ANXA8: variants seen among roughly 807,000 people sequenced by gnomAD.
ANXA8 encodes the protein annexin A8.
In ANXA8, 9 loss-of-function variants were observed where a neutral mutation model predicts 26.8. The observed-to-expected ratio is 0.34, with a 90% confidence interval of 0.20 to 0.59. The LOEUF (loss-of-function observed/expected upper bound fraction) is 0.59, where lower values mean the gene tolerates loss of function less well. Among genes scored for constraint, ANXA8 ranks in the 20% least tolerant of loss-of-function variants. The pLI is 0.84. For missense variants in ANXA8, 83 were observed against 238.5 expected, an observed-to-expected ratio of 0.35 and a Z score of 4.29; for synonymous variants, 39 against 94.8, an observed-to-expected ratio of 0.41 and a Z score of 3.42.
At chr10:47,669,182 T>G in the ANXA8 span, among the ~76,000 whole-genome samples, 2 of 151,826 alleles carry the variant, frequency 1.3e-5, no homozygotes, top group African/African-American at 2.4e-5. Flanking sequence ...CCATGTGGTA[T>G]TTAGGAAGGT....
the ANXA8 span, chr10:47,973,191 CTT>C: frequency 6.6e-6 from 1 of 150,626 alleles, no homozygotes; most frequent in African/African-American, 2.4e-5. Flanking sequence ...TTGCTGGTCT[CTT>C]TTTTCTTATG....
At chr10:47,942,196 T>C in the ANXA8 span, among the ~76,000 whole-genome samples, 14 of 146,436 alleles carry the variant, frequency 9.6e-5, no homozygotes, top group Non-Finnish European at 1.5e-4. Flanking sequence ...AAATTCCTTA[T>C]GAATAGGTGA....
chr10:47,621,869 G>A, the ANXA8 span, among the ~76,000 whole-genome samples: 1 of 95,076 alleles, frequency 1.1e-5, no homozygotes, highest in Non-Finnish European at 2.2e-5. Flanking sequence ...TATATACAAA[G>A]TCTTCACATG....
At chr10:47,653,525 G>C in the ANXA8 span, among the ~76,000 whole-genome samples, 1 of 151,692 alleles carries the variant, frequency 6.6e-6, no homozygotes, top group African/African-American at 2.4e-5. Flanking sequence ...AAGAGACTTA[G>C]TGGGAAAATT....
At chr10:47,732,811 C>T in the ANXA8 span, among the ~76,000 whole-genome samples, 14 of 142,356 alleles carry the variant, frequency 9.8e-5, no homozygotes, top group Admixed American at 4.3e-4. Flanking sequence ...TGCAGACGTT[C>T]GCTGAATGTC....
the ANXA8 span, among the ~76,000 whole-genome samples, chr10:47,959,030 G>A: frequency 6.7e-6 from 1 of 149,922 alleles, no homozygotes; most frequent in African/African-American, 2.5e-5. Flanking sequence ...GGTGAGGGCT[G>A]GGGGAGGGCC....
the ANXA8 span, among the ~76,000 whole-genome samples, chr10:47,969,649 C>T: frequency 2.7e-5 from 4 of 146,852 alleles, no homozygotes; most frequent in Admixed American, 1.4e-4. Context: ...CCGAAGGGCC[C>T]CTGTGGTTAC....
chr10:47,935,651 A>G, the ANXA8 span, among the ~76,000 whole-genome samples: 1 of 141,600 alleles, frequency 7.1e-6, no homozygotes, highest in Non-Finnish European at 1.5e-5. Context: ...TTTAATTTTA[A>G]TTGTACTATT....
At chr10:47,755,175 T>C in the ANXA8 span, among the ~76,000 whole-genome samples, 5 of 151,654 alleles carry the variant, frequency 3.3e-5, no homozygotes, top group African/African-American at 9.7e-5. Context: ...CAGGATGGTC[T>C]TGATCTCTTG....
chr10:47,570,701 AGGT>A, the ANXA8 span, among the ~76,000 whole-genome samples: 1 of 150,740 alleles, frequency 6.6e-6, no homozygotes, highest in Non-Finnish European at 1.5e-5. Context: ...TAAGCCTGGG[AGGT>A]TGAGGCTACC....
chr10:47,655,864 T>C, the ANXA8 span, among the ~76,000 whole-genome samples: 1 of 151,672 alleles, frequency 6.6e-6, no homozygotes, highest in South Asian at 2.1e-4. Context: ...CTATTAAAAA[T>C]ACAAAATTAG....
the ANXA8 span, among the ~76,000 whole-genome samples, chr10:47,599,448 T>C: frequency 6.7e-6 from 1 of 148,798 alleles, no homozygotes; most frequent in Non-Finnish European, 1.5e-5. Context: ...TTTTGCTTTT[T>C]TTACTAGCAT....
At chr10:47,709,611 C>T in the ANXA8 span, among the ~76,000 whole-genome samples, 4 of 141,748 alleles carry the variant, frequency 2.8e-5, no homozygotes, top group African/African-American at 1.1e-4. Context: ...GTAGCACATG[C>T]TTAAAAGCTC....
At chr10:47,549,465 A>C in the ANXA8 span, 1 of 1,122,744 alleles carries the variant, frequency 8.9e-7, no homozygotes, top group South Asian at 1.2e-5. Flanking sequence ...TTCATTTTTT[A>C]ATTGCATCCA....
the ANXA8 span, among the ~76,000 whole-genome samples, chr10:47,950,485 A>G: frequency 2.0e-5 from 3 of 151,272 alleles, no homozygotes; most frequent in Non-Finnish European, 4.4e-5. Flanking sequence ...TTTAATCAAC[A>G]GCGCAATAAA....
the ANXA8 span, among the ~76,000 whole-genome samples, chr10:47,628,863 T>A: frequency 6.8e-6 from 1 of 146,912 alleles, no homozygotes; most frequent in Non-Finnish European, 1.5e-5. Context: ...CTCACAATTA[T>A]GTAATATATT....
chr10:47,559,044 TTGTA>T, the ANXA8 span, among the ~76,000 whole-genome samples: 1 of 151,694 alleles, frequency 6.6e-6, no homozygotes, highest in Non-Finnish European at 1.5e-5. Flanking sequence ...TTTCAGAACT[TTGTA>T]TGTATATGTC....
chr10:47,977,436 T>A, the ANXA8 span, among the ~76,000 whole-genome samples: 7 of 151,152 alleles, frequency 4.6e-5, no homozygotes, highest in Admixed American at 2.0e-4. Flanking sequence ...TGTGACCTAT[T>A]CACAGGGAAA....
chr10:47,686,382 C>CTAA, the ANXA8 span, among the ~76,000 whole-genome samples: 1 of 151,526 alleles, frequency 6.6e-6, no homozygotes, highest in Non-Finnish European at 1.5e-5. Flanking sequence ...CCATACCTGG[C>CTAA]TAATTTTCGT....
Sources: gnomAD v4.1 joint callset for allele counts (sites outside exome capture counted in the v4.1 genomes callset) on GRCh38, gnomAD v4.1.1 for gene constraint, MANE v1.5 for transcripts, NCBI Gene and HGNC (gene_info 2026-07-23, HGNC 2026-07-21) for gene names.